Variants in MAGI1 observed in about 807,000 individuals in gnomAD.
The protein encoded by MAGI1 is membrane-associated guanylate kinase, WW and PDZ domain-containing protein 1.
In MAGI1, 58 loss-of-function variants were observed where a neutral mutation model predicts 139.9. That is an observed-to-expected ratio of 0.41 (90% CI 0.34 to 0.52). The LOEUF (loss-of-function observed/expected upper bound fraction) is 0.52. Ranked by LOEUF, MAGI1 falls within the 20% of genes least tolerant of loss-of-function variation. The pLI, the probability that MAGI1 is intolerant of heterozygous loss-of-function variation, is 0.12. For synonymous variants in MAGI1, 812 were observed against 737.9 expected, an observed-to-expected ratio of 1.10 and a Z score of -1.63; for missense variants, 1,874 against 1,901.6, an observed-to-expected ratio of 0.99 and a Z score of 0.27.
chr3:65,558,254 T>A (rs2080181524), intron 2 of MAGI1, among the ~76,000 whole-genome samples: 1 of 152,228 alleles, frequency 6.6e-6, no homozygotes, highest in African/African-American at 2.4e-5. Context: ...GGTTGATTTT[T>A]ATTTTTCATG....
At chr3:65,566,253 C>CAA (rs140836403) in intron 2 of MAGI1, among the ~76,000 whole-genome samples, 58 of 148,324 alleles carry the variant, frequency 3.9e-4, no homozygotes, top group East Asian at 3.6e-3. Context: ...GACTCTGTCT[C>CAA]AAAAAAAAAT....
chr3:65,397,515 A>G (rs886100545), intron 13 of MAGI1, among the ~76,000 whole-genome samples: 3 of 151,820 alleles, frequency 2.0e-5, no homozygotes, highest in African/African-American at 7.3e-5. Context: ...CTCTATATAA[A>G]AACTTTTTGT....
At chr3:65,956,422 T>C (rs1423846663) in intron 1 of MAGI1, among the ~76,000 whole-genome samples, 1 of 152,110 alleles carries the variant, frequency 6.6e-6, no homozygotes, top group East Asian at 1.9e-4. Flanking sequence ...TAGGGTGAAG[T>C]CTAACAAAAT....
chr3:66,034,742 T>C (rs2068823122), intron 1 of MAGI1, among the ~76,000 whole-genome samples: 2 of 151,990 alleles, frequency 1.3e-5, no homozygotes, highest in Admixed American at 6.6e-5. Context: ...TACTTAGCAA[T>C]AAAAAAAGAA....
intron 1 of MAGI1, among the ~76,000 whole-genome samples, chr3:65,815,764 C>A (rs2041561949): frequency 6.6e-6 from 1 of 151,806 alleles, no homozygotes; most frequent in East Asian, 1.9e-4. Context: ...ATTCATATAC[C>A]TTATCTTAAT....
chr3:66,030,156 C>A (rs537236855), intron 1 of MAGI1, among the ~76,000 whole-genome samples: 1 of 152,256 alleles, frequency 6.6e-6, no homozygotes, highest in African/African-American at 2.4e-5. Context: ...CTGAAGCAGG[C>A]CAGCAATGTT....
At chr3:65,653,826 A>G (rs975874592) in intron 1 of MAGI1, among the ~76,000 whole-genome samples, 5 of 152,198 alleles carry the variant, frequency 3.3e-5, no homozygotes, top group Non-Finnish European at 4.4e-5. Context: ...AGTTTTTGTT[A>G]CACTGGTGGA....
chr3:65,621,291 G>A (rs2083654821), intron 2 of MAGI1, among the ~76,000 whole-genome samples: 1 of 152,194 alleles, frequency 6.6e-6, no homozygotes, highest in Non-Finnish European at 1.5e-5. Flanking sequence ...CAACGGAGCT[G>A]CGAATTTATC....
intron 1 of MAGI1, among the ~76,000 whole-genome samples, chr3:65,834,156 A>G (rs1002429587): frequency 2.0e-5 from 3 of 152,252 alleles, no homozygotes; most frequent in Admixed American, 2.0e-4. Flanking sequence ...AGAAAATAAC[A>G]GGACGGTATG....
chr3:65,954,361 G>C (rs561602594), intron 1 of MAGI1: 8 of 152,474 alleles, frequency 5.2e-5, no homozygotes, highest in Non-Finnish European at 1.0e-4. Flanking sequence ...CAGCTAGAAC[G>C]GGGTTGCTCT....
chr3:65,761,324 G>A (rs2037006058), intron 1 of MAGI1, among the ~76,000 whole-genome samples: 1 of 152,134 alleles, frequency 6.6e-6, no homozygotes. Context: ...TAAAATGGAA[G>A]ATTCTTGTCC....
chr3:65,556,406 A>C (rs545166500), intron 2 of MAGI1, among the ~76,000 whole-genome samples: 1 of 152,308 alleles, frequency 6.6e-6, no homozygotes, highest in Middle Eastern at 3.4e-3. Flanking sequence ...TGAGACATTT[A>C]CTCACTACAT....
Position 65,506,624 on chromosome 3 carries a change from C to T in MAGI1, c.431-12993G>A, listed in dbSNP as rs150245864. On this transcript the variant is annotated intron_variant, in intron 2 of 22. Coordinates refer to ENST00000402939, the MANE Select transcript of MAGI1 (RefSeq NM_001033057.2). The stretch of plus-strand genomic sequence containing the variant: ...ACAAAGTCAACACATTCTATAAATA[C>T]CCTCATTCTAGTCATTAGCCACTAG... Among the ~76,000 whole-genome samples the T allele has an allele frequency of 6.8e-4, 104 of 152,268 alleles. 3 individuals are homozygous for T. The East Asian group carries it at 8.7e-3, about 13-fold the overall frequency.
intron 1 of MAGI1, among the ~76,000 whole-genome samples, chr3:65,654,442 T>C (rs1358651526): frequency 1.4e-4 from 22 of 152,210 alleles, no homozygotes. Flanking sequence ...CTATCATGAC[T>C]GTAAACAAAG....
chr3:65,492,520 A>T (rs1952114783), intron 3 of MAGI1, among the ~76,000 whole-genome samples: 2 of 152,220 alleles, frequency 1.3e-5, no homozygotes, highest in African/African-American at 4.8e-5. Flanking sequence ...AAAGAAGAAA[A>T]CCAGAAGTGC....
At chr3:65,999,972 C>CTT (rs3048011) in intron 1 of MAGI1, among the ~76,000 whole-genome samples, 58,525 of 112,694 alleles carry the variant, frequency 0.52, 17,732 homozygotes, top group Admixed American at 0.65. Context: ...TCCCCCCACG[C>CTT]TTTTTTTTTT....
intron 1 of MAGI1, among the ~76,000 whole-genome samples, chr3:66,016,125 G>A (rs191823307): frequency 6.6e-6 from 1 of 152,214 alleles, no homozygotes; most frequent in Non-Finnish European, 1.5e-5. Flanking sequence ...TCTATTCAGC[G>A]CCTCCACAAG....
chr3:65,833,966 T>G (rs925468392), intron 1 of MAGI1, among the ~76,000 whole-genome samples: 3 of 152,220 alleles, frequency 2.0e-5, no homozygotes, highest in African/African-American at 7.2e-5. Context: ...TGACTAGCTA[T>G]GTAACAGAAA....
At chr3:65,434,161 T>C (rs914184656) in intron 10 of MAGI1, among the ~76,000 whole-genome samples, 9 of 152,200 alleles carry the variant, frequency 5.9e-5, no homozygotes, top group Admixed American at 5.2e-4. Flanking sequence ...TGTGCTCTGC[T>C]ACTTAGTGGC....
Sources: allele counts gnomAD v4.1 joint callset (sites outside exome capture counted in the v4.1 genomes callset), GRCh38; gene constraint gnomAD v4.1.1; transcripts MANE v1.5; gene names NCBI Gene and HGNC (gene_info 2026-07-23, HGNC 2026-07-21).